MBNL2: variants seen among roughly 807,000 people sequenced by gnomAD.
The protein encoded by MBNL2 is muscleblind like splicing regulator 2, also known as muscleblind-like protein 2.
In MBNL2, 17 loss-of-function variants were observed where a neutral mutation model predicts 41.9. That is an observed-to-expected ratio of 0.41 (90% CI 0.28 to 0.61). The LOEUF is 0.61. MBNL2 is among the 20% of genes least tolerant of loss of function. The pLI is 0.35. For synonymous variants in MBNL2, 195 were observed against 182.9 expected (o/e 1.07, Z -0.53); for missense variants, 336 against 505.6 (o/e 0.66, Z 3.22).
At chr13:97,178,872 G>A in the MBNL2 span, among the ~76,000 whole-genome samples, 1 of 152,100 alleles carries the variant, frequency 6.6e-6, no homozygotes, top group African/African-American at 2.4e-5. Context: ...ACTCCAGCCT[G>A]GGTGACAGAG....
In MBNL2 at chr13:97,392,870, T is replaced by C. The variant is rs1455987486; in HGVS notation, c.*1421T>C. ...AACATCCATTTTCTTTGTGAACATA[T>C]TAGTGATTGAAGTATTTTGACTTTT... is the stretch of plus-strand genomic sequence containing the variant. On this transcript the variant is annotated 3_prime_UTR_variant, in exon 9 of 9. Transcript: ENST00000679496. 1.2e-4 allele frequency: 18 copies of C among 152,508 alleles called. No homozygotes were observed. The highest frequency in any genetic ancestry group is 1.9e-4 in the Non-Finnish European group (13 of 67,924). The allele number at this position is 152,508 out of a possible 1,614,324, so 9.4% of individuals were successfully genotyped here.
chr13:97,290,677 C>T (rs1405749438), intron 2 of MBNL2, among the ~76,000 whole-genome samples: 4 of 96,668 alleles, frequency 4.1e-5, no homozygotes, highest in East Asian at 3.4e-4. Context: ...AGCGAGACTC[C>T]GTCTCAAAAA....
rs1491513676 is a variant in MBNL2 at position 97,232,890 on chromosome 13, T to TGTGTGTGTGTGTGTGC, written c.-605+10360_-605+10361insTGTGTGTGTGTGTGCG. Among the ~76,000 whole-genome samples the TGTGTGTGTGTGTGTGC allele has an allele frequency of 3.0e-5, 4 of 134,464 alleles. No homozygotes were observed. In the East Asian group the frequency reaches 6.4e-4, roughly 22 times the overall value. 88.2% of individuals were successfully genotyped at this position (134,464 alleles called of 152,430 possible). A position where few individuals can be genotyped will look rare whatever the true frequency, so the allele number is the denominator to read the frequency against. On this transcript the variant is annotated intron_variant, in intron 1 of 8. Transcript: ENST00000679496. The stretch of plus-strand genomic sequence containing the variant: ...GTGTGTGTGTGTGTGTGTGTGTGTG[T>TGTGTGTGTGTGTGTGC]GCGCACGTACACTGAATGAACTTAA...
At chr13:97,237,768 C>T (rs2043552925) in intron 1 of MBNL2, among the ~76,000 whole-genome samples, 1 of 152,198 alleles carries the variant, frequency 6.6e-6, no homozygotes, top group Non-Finnish European at 1.5e-5. Flanking sequence ...ATTCAGAATG[C>T]AGCAGAGAGC....
the MBNL2 span, among the ~76,000 whole-genome samples, chr13:97,196,678 C>T: frequency 2.0e-5 from 3 of 152,078 alleles, no homozygotes; most frequent in African/African-American, 7.2e-5. Flanking sequence ...TCCTGAGTGT[C>T]CGGGTGATGA....
the MBNL2 span, among the ~76,000 whole-genome samples, chr13:97,213,520 TTAA>T: frequency 6.6e-6 from 1 of 152,106 alleles, no homozygotes; most frequent in African/African-American, 2.4e-5. Flanking sequence ...AAACACACAT[TTAA>T]TGAGTGATTT....
At chr13:97,230,337 G>A (rs1046809231) in intron 1 of MBNL2, among the ~76,000 whole-genome samples, 1 of 152,210 alleles carries the variant, frequency 6.6e-6, no homozygotes, top group African/African-American at 2.4e-5. Context: ...ACCAATAAAT[G>A]GGAATAGGGT....
At chr13:97,217,381 G>A (rs918169312), upstream of MBNL2, among the ~76,000 whole-genome samples, 2 of 152,104 alleles carry the variant, frequency 1.3e-5, no homozygotes, top group Non-Finnish European at 2.9e-5. Flanking sequence ...AGATTCTAGC[G>A]AGGTACATAA....
chr13:97,301,792 C>T (rs1015990563), intron 2 of MBNL2, among the ~76,000 whole-genome samples: 2 of 152,180 alleles, frequency 1.3e-5, no homozygotes, highest in Non-Finnish European at 2.9e-5. Flanking sequence ...TATATTAGTT[C>T]GTCAACAGCA....
At chr13:97,215,125 G>A in the MBNL2 span, among the ~76,000 whole-genome samples, 2,969 of 152,330 alleles carry the variant, frequency 0.019, 64 homozygotes, top group South Asian at 0.036. Context: ...TAAGGGCTGG[G>A]CATGTCCTGT....
chr13:97,287,203 A>G (rs1043239330), intron 2 of MBNL2, among the ~76,000 whole-genome samples: 1 of 152,148 alleles, frequency 6.6e-6, no homozygotes, highest in African/African-American at 2.4e-5. Context: ...GGTCACATGG[A>G]GACTTGCTCA....
the MBNL2 span, chr13:97,172,842 A>G: frequency 6.6e-6 from 1 of 152,190 alleles, no homozygotes; most frequent in African/African-American, 2.4e-5. Context: ...CAGTGAAGGC[A>G]GAGTTTTCTT....
intron 1 of MBNL2, among the ~76,000 whole-genome samples, chr13:97,274,975 G>T (rs2051888892): frequency 6.6e-6 from 1 of 152,152 alleles, no homozygotes; most frequent in Non-Finnish European, 1.5e-5. Flanking sequence ...TTTCTTGAGG[G>T]TCTAATATAC....
At chr13:97,145,347 G>A in the MBNL2 span, among the ~76,000 whole-genome samples, 1 of 152,154 alleles carries the variant, frequency 6.6e-6, no homozygotes, top group Non-Finnish European at 1.5e-5. Flanking sequence ...AGAAAGAAAA[G>A]AGAAAGAAAG....
the MBNL2 span, among the ~76,000 whole-genome samples, chr13:97,197,871 C>T: frequency 0.17 from 25,374 of 152,048 alleles, 2,812 homozygotes; most frequent in African/African-American, 0.32. Context: ...AATTCTATGG[C>T]TGTGTACTGA....
At chr13:97,143,119 A>G in the MBNL2 span, among the ~76,000 whole-genome samples, 4 of 152,148 alleles carry the variant, frequency 2.6e-5, no homozygotes, top group African/African-American at 9.7e-5. Context: ...TTTCTTTTTT[A>G]CTGGTTCTTC....
At chr13:97,166,101 G>C in the MBNL2 span, among the ~76,000 whole-genome samples, 5 of 152,368 alleles carry the variant, frequency 3.3e-5, no homozygotes, top group East Asian at 9.6e-4. Flanking sequence ...CAGGAGTGGA[G>C]AGAATTGTAT....
At chr13:97,240,754 T>C (rs1162743293) in intron 1 of MBNL2, among the ~76,000 whole-genome samples, 2 of 152,204 alleles carry the variant, frequency 1.3e-5, no homozygotes, top group African/African-American at 4.8e-5. Flanking sequence ...TCTAGGATGA[T>C]TGAAATGTAG....
the MBNL2 span, among the ~76,000 whole-genome samples, chr13:97,164,636 G>A: frequency 6.6e-6 from 1 of 151,274 alleles, no homozygotes; most frequent in Non-Finnish European, 1.5e-5. Flanking sequence ...TTTTTTTTTG[G>A]TAAAGTGGTA....
Sources: allele counts gnomAD v4.1 joint callset (sites outside exome capture counted in the v4.1 genomes callset), GRCh38; gene constraint gnomAD v4.1.1; transcripts MANE v1.5; gene names NCBI Gene and HGNC (gene_info 2026-07-23, HGNC 2026-07-21).